TANC2: variants seen among roughly 807,000 people sequenced by gnomAD.
The protein encoded by TANC2 is tetratricopeptide repeat, ankyrin repeat and coiled-coil containing 2.
Under a neutral mutation model 210.5 loss-of-function variants are expected in TANC2, and 26 were observed. That is an observed-to-expected ratio of 0.12 (90% CI 0.09 to 0.17). The LOEUF is 0.17. Ranked by LOEUF, TANC2 falls within the 10% of genes least tolerant of loss-of-function variation. The probability of loss-of-function intolerance (pLI) is 1.00; values close to 1 mark genes in which losing one functional copy is unlikely to be tolerated. For synonymous variants in TANC2, 931 were observed against 967.1 expected, an observed-to-expected ratio of 0.96 and a Z score of 0.69; for missense variants, 2,129 against 2,608.9, an observed-to-expected ratio of 0.82 and a Z score of 4.01.
At chr17:63,130,153 G>A (rs767871369) in intron 4 of TANC2, among the ~76,000 whole-genome samples, 11 of 152,090 alleles carry the variant, frequency 7.2e-5, no homozygotes, top group Non-Finnish European at 8.8e-5. Context: ...TTCCTCTCCA[G>A]TATCCAACTT....
chr17:63,049,346 T>TA (rs2035494320), intron 2 of TANC2, among the ~76,000 whole-genome samples: 1 of 152,112 alleles, frequency 6.6e-6, no homozygotes, highest in African/African-American at 2.4e-5. Context: ...AAGGAAGAAG[T>TA]AAAAAATGTG....
intron 1 of TANC2, among the ~76,000 whole-genome samples, chr17:62,969,236 A>C (rs1486244233): frequency 6.6e-6 from 1 of 152,200 alleles, no homozygotes; most frequent in African/African-American, 2.4e-5. Flanking sequence ...CCTATGAGGT[A>C]TGTGTTGTTA....
chr17:63,008,420 TC>T (rs1008278011), intron 1 of TANC2, among the ~76,000 whole-genome samples: 28 of 152,176 alleles, frequency 1.8e-4, no homozygotes, highest in Admixed American at 1.8e-3. Flanking sequence ...TTGACCTGTG[TC>T]CCACTTCATG....
chr17:63,167,552 A>G (rs538982948), intron 5 of TANC2, among the ~76,000 whole-genome samples: 1 of 152,102 alleles, frequency 6.6e-6, no homozygotes, highest in Non-Finnish European at 1.5e-5. Context: ...CTTTTAAAAA[A>G]CTGATGAAAT....
chr17:63,331,667 A>G (rs745805755), intron 11 of TANC2, among the ~76,000 whole-genome samples: 8 of 152,244 alleles, frequency 5.3e-5, no homozygotes, highest in Non-Finnish European at 7.3e-5. Context: ...AGAATTAAGA[A>G]GAGAGGGAAA....
At chr17:63,072,870 A>C (rs778395823) in intron 2 of TANC2, among the ~76,000 whole-genome samples, 3 of 152,116 alleles carry the variant, frequency 2.0e-5, no homozygotes, top group Non-Finnish European at 4.4e-5. Context: ...ACTTAAAAGG[A>C]AGCTTTATAT....
chr17:63,163,053 G>A (rs917992231), intron 5 of TANC2, among the ~76,000 whole-genome samples: 1 of 151,738 alleles, frequency 6.6e-6, no homozygotes, highest in African/African-American at 2.4e-5. Context: ...CAAGGGAGTT[G>A]AGGGTATTTG....
intron 5 of TANC2, chr17:63,153,346 A>G (rs944078288): frequency 6.6e-6 from 1 of 152,172 alleles, no homozygotes; most frequent in East Asian, 1.9e-4. Flanking sequence ...AGTTAAGGCT[A>G]CTAGTGTTCT....
intron 8 of TANC2, among the ~76,000 whole-genome samples, chr17:63,257,015 G>A (rs959328030): frequency 6.7e-6 from 1 of 148,782 alleles, no homozygotes; most frequent in African/African-American, 2.5e-5. Context: ...TAGGTTAAGT[G>A]TGTTTCTTGT....
intron 2 of TANC2, among the ~76,000 whole-genome samples, chr17:63,011,163 CAG>C: frequency 6.6e-6 from 1 of 152,022 alleles, no homozygotes; most frequent in East Asian, 1.9e-4. Context: ...TCTGAAGACT[CAG>C]AAGTTTTAGA....
chr17:63,394,070 C>T (rs1216017053), intron 17 of TANC2, among the ~76,000 whole-genome samples: 1 of 152,180 alleles, frequency 6.6e-6, no homozygotes, highest in Admixed American at 6.5e-5. Flanking sequence ...CCATGCCCAG[C>T]CACTGCAATA....
At chr17:63,317,009 G>C (rs1041508832) in intron 10 of TANC2, among the ~76,000 whole-genome samples, 1 of 151,604 alleles carries the variant, frequency 6.6e-6, no homozygotes, top group Non-Finnish European at 1.5e-5. Context: ...CTTAATATGA[G>C]TTATCATATT....
In TANC2 at chr17:63,229,774, T is replaced by A. The variant is rs201309928; in HGVS notation, c.770-8040T>A. On this transcript the variant is annotated intron_variant, in intron 7 of 27. Transcript: ENST00000689528. The stretch of plus-strand genomic sequence containing the variant: ...TATTCTCTAATGATTGTTTGTATTT[T>A]TTTTTTTTTTTTTGAGAAAGAATCT... Among the ~76,000 whole-genome samples, 6 of 150,940 alleles carry A rather than the reference T, an allele frequency of 4.0e-5. No homozygotes were observed. The East Asian group carries it at 1.2e-3, about 29-fold the overall frequency.
At chr17:63,320,524 G>A (rs1242744578) in intron 11 of TANC2, 1 of 152,002 alleles carries the variant, frequency 6.6e-6, no homozygotes, top group Non-Finnish European at 1.5e-5. Flanking sequence ...TAAATTTTTT[G>A]ATACTTACTG....
At chr17:63,078,443 T>G (rs769165165) in intron 3 of TANC2, among the ~76,000 whole-genome samples, 1 of 152,130 alleles carries the variant, frequency 6.6e-6, no homozygotes, top group Non-Finnish European at 1.5e-5. Flanking sequence ...TTATTTTCTT[T>G]CTTCTGCCTG....
rs1413149691 is a variant in TANC2, at chr17:63,055,978, AAAAAAAAAAAAAATAT to A, written c.68-17963_68-17948del. On this transcript the variant is annotated intron_variant, in intron 2 of 27. Transcript: ENST00000689528. The stretch of plus-strand genomic sequence containing the variant: ...CCTCATCTCTACCAAAAAAAAAAAA[AAAAAAAAAAAAAATAT>A]ATATATATATATATATATATATATA... Among the ~76,000 whole-genome samples the A allele has an allele frequency of 7.1e-3, 198 of 27,730 alleles. 1 individual carries two copies. Among genetic ancestry groups the A allele is most frequent in the Middle Eastern group, 0.021 (1 of 48 alleles). 18.2% of individuals were successfully genotyped at this position (27,730 alleles called of 152,430 possible). A position where few individuals can be genotyped will look rare whatever the true frequency, so the allele number is the denominator to read the frequency against.
At chr17:63,137,792 A>C (rs2039142438) in intron 4 of TANC2, among the ~76,000 whole-genome samples, 1 of 152,178 alleles carries the variant, frequency 6.6e-6, no homozygotes, top group Non-Finnish European at 1.5e-5. Context: ...TCTGGAAATA[A>C]ATAAATAAAT....
intron 9 of TANC2, among the ~76,000 whole-genome samples, chr17:63,286,562 C>T (rs2044227618): frequency 6.6e-6 from 1 of 152,148 alleles, no homozygotes; most frequent in Non-Finnish European, 1.5e-5. Context: ...CTGTTTTGAT[C>T]AGTTTGATGT....
At chr17:63,057,098 G>C (rs2035833899) in intron 2 of TANC2, among the ~76,000 whole-genome samples, 1 of 152,038 alleles carries the variant, frequency 6.6e-6, no homozygotes, top group South Asian at 2.1e-4. Context: ...GAGTAGCTGG[G>C]ACTACAGGTA....
Sources: allele counts gnomAD v4.1 joint callset (sites outside exome capture counted in the v4.1 genomes callset), GRCh38; gene constraint gnomAD v4.1.1; transcripts MANE v1.5; gene names NCBI Gene and HGNC (gene_info 2026-07-23, HGNC 2026-07-21).